NAALAD2: variants seen among roughly 807,000 people sequenced by gnomAD.
The protein encoded by NAALAD2 is N-acetylated alpha-linked acidic dipeptidase 2.
Under a neutral mutation model 95.6 loss-of-function variants are expected in NAALAD2, and 89 were observed. The ratio of observed to expected loss-of-function variants is 0.93; its 90% CI spans 0.78 to 1.11. NAALAD2 has a LOEUF of 1.11. Ranked by LOEUF, NAALAD2 falls within the 50% of genes least tolerant of loss-of-function variation. The pLI is 0.00. For synonymous variants in NAALAD2, 264 were observed against 294.4 expected (o/e 0.90, Z 1.06); for missense variants, 894 against 872.4 (o/e 1.02, Z -0.31).
intron 10 of NAALAD2, 23 bp downstream of exon 10, chr11:90,163,452 G>C (rs531138135): frequency 6.2e-7 from 1 of 1,613,360 alleles, no homozygotes; most frequent in East Asian, 2.2e-5. Flanking sequence ...TCTTTCCTAG[G>C]TGATGACAAA....
intron 2 of NAALAD2, among the ~76,000 whole-genome samples, chr11:90,143,204 AG>A (rs1321390955): frequency 6.6e-6 from 1 of 152,110 alleles, no homozygotes; most frequent in Non-Finnish European, 1.5e-5. Flanking sequence ...CTGAAGATTT[AG>A]GTTGCCTTGT....
intron 18 of NAALAD2, among the ~76,000 whole-genome samples, chr11:90,185,155 A>G (rs1048788437): frequency 1.1e-4 from 16 of 151,630 alleles, no homozygotes; most frequent in African/African-American, 3.6e-4. Flanking sequence ...ATACATTTAT[A>G]TATACATATA....
chr11:90,162,907 T>A, intron 8 of NAALAD2, 42 bp from the exon 9 acceptor site: 1 of 1,095,984 alleles, frequency 9.1e-7, no homozygotes, highest in Non-Finnish European at 1.3e-6. Context: ...GTAAAAAACA[T>A]AATTTGCTGT....
At chr11:90,188,614 T>A (rs1857230578) in intron 18 of NAALAD2, among the ~76,000 whole-genome samples, 1 of 152,198 alleles carries the variant, frequency 6.6e-6, no homozygotes, top group South Asian at 2.1e-4. Flanking sequence ...TCATTCTCTT[T>A]TATAAGGGCT....
At chr11:90,151,553 A>G (rs1380523564) in intron 5 of NAALAD2, among the ~76,000 whole-genome samples, 1 of 152,190 alleles carries the variant, frequency 6.6e-6, no homozygotes, top group Non-Finnish European at 1.5e-5. Flanking sequence ...ATAATAGTGT[A>G]TATTCTTTCA....
chr11:90,167,604 C>A (rs1421771352), intron 11 of NAALAD2, among the ~76,000 whole-genome samples: 2 of 152,176 alleles, frequency 1.3e-5, no homozygotes, highest in Non-Finnish European at 2.9e-5. Flanking sequence ...AGCTGGGCTC[C>A]TGAGTCTGGT....
At chr11:90,154,171 C>G (rs1951966537) in intron 6 of NAALAD2, among the ~76,000 whole-genome samples, 1 of 151,534 alleles carries the variant, frequency 6.6e-6, no homozygotes. Flanking sequence ...TAGAGGTACT[C>G]CAGTACAATG....
chr11:90,183,032 T>G (rs1857013443), intron 18 of NAALAD2, 24 bp downstream of exon 18: 1 of 1,563,718 alleles, frequency 6.4e-7, no homozygotes, highest in Admixed American at 1.7e-5. Context: ...AGGCGCCAAA[T>G]ACATCACTGT....
chr11:90,187,199 T>C (rs561876923), intron 18 of NAALAD2, among the ~76,000 whole-genome samples: 195 of 151,332 alleles, frequency 1.3e-3, no homozygotes, highest in African/African-American at 4.5e-3. Flanking sequence ...TGTGGAGAAA[T>C]AGGAACACTT....
chr11:90,137,024 G>A (rs958693976), intron 2 of NAALAD2, among the ~76,000 whole-genome samples: 3 of 151,990 alleles, frequency 2.0e-5, no homozygotes, highest in African/African-American at 7.3e-5. Flanking sequence ...TTATTACTCA[G>A]CATAAAAAAG....
chr11:90,163,432 A>C lies in NAALAD2; in HGVS notation c.1195+3A>C. ...TTTTGGAAAACTGATGAGTAAAGGT[A>C]AACAACCTTTCTTTCCTAGGTGATG... On this transcript the variant is annotated splice_donor_region_variant and intron_variant, in intron 10 of 18. Coordinates refer to ENST00000534061, the MANE Select transcript of NAALAD2 (RefSeq NM_005467.4). 1.2e-6 allele frequency: 2 copies of C among 1,613,940 alleles called. No homozygotes were observed. Among genetic ancestry groups the C allele is most frequent in the Non-Finnish European group, 1.7e-6 (2 of 1,179,896 alleles).
At position 90,177,928 on chromosome 11, in the gene NAALAD2, G is replaced by A; in HGVS notation, c.1669G>A (p.Asp557Asn). 6.2e-7 allele frequency: 1 copy of A among 1,613,452 alleles called. No homozygotes were observed. The highest frequency in any genetic ancestry group is 1.1e-5 in the South Asian group (1 of 91,044). The change falls in exon 16 of 19, where the codon GAC (aspartate) becomes AAC (asparagine). Residue 557 changes from aspartate to asparagine, a missense_variant. Asp to Asn is a conservative substitution (Grantham distance 23). Transcript: ENST00000534061. ...ATTTGAATTGGTAGAGAAATTTTAT[G>A]ACCCCACATTTAAAAAACAACTTTC... ...ETFELVEKFY[D>N]PTFKKQLSVA...
At position 90,168,308 on chromosome 11, in the gene NAALAD2, G is replaced by A. The variant is rs188061831; in HGVS notation, c.1279-621G>A. The stretch of plus-strand genomic sequence containing the variant: ...GCCTTTAAGAACGGTAACACTCACC[G>A]CGAGGGTCCGCGGCTTCATTCTTGA... On this transcript the variant is annotated intron_variant, in intron 11 of 18. Coordinates refer to ENST00000534061, the MANE Select transcript of NAALAD2 (RefSeq NM_005467.4). Among the ~76,000 whole-genome samples, 61 of 152,306 alleles carry A rather than the reference G, an allele frequency of 4.0e-4. 1 individual carries two copies. In the East Asian group the frequency reaches 7.7e-3, roughly 19 times the overall value.
intron 18 of NAALAD2, among the ~76,000 whole-genome samples, chr11:90,189,763 C>A (rs1161567459): frequency 2.1e-5 from 3 of 141,826 alleles, no homozygotes; most frequent in African/African-American, 7.6e-5. Context: ...GAACGAGACT[C>A]TATCTCAAAA....
intron 3 of NAALAD2, 52 bp downstream of exon 3, chr11:90,147,568 T>A: frequency 1.4e-6 from 2 of 1,464,046 alleles, no homozygotes; most frequent in Non-Finnish European, 9.4e-7. Flanking sequence ...CCGTTTTATG[T>A]GGATTGTAAT....
intron 6 of NAALAD2, among the ~76,000 whole-genome samples, chr11:90,156,351 C>T (rs1445479196): frequency 1.3e-5 from 2 of 152,114 alleles, no homozygotes; most frequent in African/African-American, 2.4e-5. Flanking sequence ...CATGAGCCAT[C>T]AGGAACCCAG....
At chr11:90,165,578 G>T (rs113983843) in intron 11 of NAALAD2, among the ~76,000 whole-genome samples, 1 of 151,850 alleles carries the variant, frequency 6.6e-6, no homozygotes, top group African/African-American at 2.4e-5. Flanking sequence ...ATACAGAGGG[G>T]GTAAAAATCC....
At position 90,134,782 on chromosome 11, in the gene NAALAD2, G is replaced by C. The variant is rs1951413164; in HGVS notation, c.24G>C (p.Leu8=). 2 of 1,614,032 alleles carry C rather than the reference G, an allele frequency of 1.2e-6. No individual in the cohort carries two copies. The highest frequency in any genetic ancestry group is 1.7e-6 in the Non-Finnish European group (2 of 1,180,040). The change falls in exon 1 of 19, where the codon CTG becomes CTC. Residue 8 remains leucine (L), a synonymous_variant. Transcript: ENST00000534061. Reference sequence around the variant, plus strand: ...CCATGGCGGAATCCAGGGGCCGTCTGTACCTTTGGATGTGCTTGGCTGCTG... The same window carrying C: ...CCATGGCGGAATCCAGGGGCCGTCTCTACCTTTGGATGTGCTTGGCTGCTG... The part of the protein sequence containing the change: MAESRGR[L]YLWMCLAAAL...
At chr11:90,174,072 C>T (rs1190060233) in intron 14 of NAALAD2, among the ~76,000 whole-genome samples, 157 bp downstream of exon 14, 2 of 152,162 alleles carry the variant, frequency 1.3e-5, no homozygotes, top group Non-Finnish European at 2.9e-5. Flanking sequence ...TAGCTCACGC[C>T]TATAATCCTA....
Sources: allele counts gnomAD v4.1 joint callset (sites outside exome capture counted in the v4.1 genomes callset), GRCh38; gene constraint gnomAD v4.1.1; transcripts MANE v1.5; gene names NCBI Gene and HGNC (gene_info 2026-07-23, HGNC 2026-07-21).